Variants in PSMG2 observed in about 807,000 individuals in gnomAD.
The protein encoded by PSMG2 is proteasome assembly chaperone 2.
A neutral mutation model predicts 31.5 loss-of-function variants in PSMG2; 21 were observed. That is an observed-to-expected ratio of 0.67 (90% CI 0.47 to 0.96). PSMG2 has a LOEUF of 0.96. Ranked by LOEUF, PSMG2 falls within the 40% of genes least tolerant of loss-of-function variation. The pLI is 0.00. For synonymous variants in PSMG2, 120 were observed against 110.4 expected (o/e 1.09, Z -0.54); for missense variants, 318 against 321.2 (o/e 0.99, Z 0.08).
At chr18:12,708,978 C>T (rs923637925) in intron 2 of PSMG2, among the ~76,000 whole-genome samples, 1 of 152,024 alleles carries the variant, frequency 6.6e-6, no homozygotes, top group African/African-American at 2.4e-5. Context: ...TCCCAAAGTG[C>T]TGGGATTACA....
rs144907968 is a variant in PSMG2, at chr18:12,674,778, A to G, written c.-37+16005A>G. The stretch of plus-strand genomic sequence containing the variant: ...CCTATGAGCAATCAAGAGAAAAAGA[A>G]AAAGTGAAATACATTAATATTTTTA... On this transcript the variant is annotated intron_variant, in intron 1 of 6. Transcript: ENST00000585331. The G allele has an allele frequency of 9.0e-5, 134 of 1,489,078 alleles. No homozygotes were observed. In the East Asian group the frequency reaches 3.0e-3, roughly 33 times the overall value. 92.2% of individuals were successfully genotyped at this position (1,489,078 alleles called of 1,614,324 possible).
chr18:12,699,188 G>A (rs2040063248), upstream of PSMG2: 2 of 1,612,474 alleles, frequency 1.2e-6, no homozygotes, highest in East Asian at 4.5e-5. Flanking sequence ...ATACCTCCGT[G>A]TTGGATCAAT....
chr18:12,692,315 CA>C (rs773752553), intron 1 of PSMG2: 122 of 125,074 alleles, frequency 9.8e-4, no homozygotes, highest in Middle Eastern at 4.1e-3. Flanking sequence ...GACTCTATCT[CA>C]AAAAAAAAAA....
chr18:12,715,525 G>T (rs1252690102), intron 3 of PSMG2, among the ~76,000 whole-genome samples: 2 of 152,028 alleles, frequency 1.3e-5, no homozygotes, highest in Non-Finnish European at 2.9e-5. Flanking sequence ...TTCTTTTTGA[G>T]ATGGAGTCTT....
chr18:12,686,463 G>A, intron 1 of PSMG2: 2 of 1,577,390 alleles, frequency 1.3e-6, no homozygotes, highest in South Asian at 2.3e-5. Context: ...AGGGAAAAGG[G>A]GAAAAACATC....
At chr18:12,702,258 T>G (rs2040182660), upstream of PSMG2, among the ~76,000 whole-genome samples, 1 of 152,224 alleles carries the variant, frequency 6.6e-6, no homozygotes, top group African/African-American at 2.4e-5. Context: ...AGACCGCTCG[T>G]TCTATCGCCC....
In PSMG2 at chr18:12,712,697, T is replaced by C; in HGVS notation, c.230-5T>C. Reference sequence around the variant, plus strand: ...TATGATTTCATTTTCTTCTTGTTTTTATAGTGTATTCATTGCCTTCAAGAA... The same window carrying C: ...TATGATTTCATTTTCTTCTTGTTTTCATAGTGTATTCATTGCCTTCAAGAA... On this transcript the variant is annotated splice_region_variant and splice_polypyrimidine_tract_variant and intron_variant, in intron 2 of 6. Transcript: ENST00000317615. The C allele has an allele frequency of 6.3e-7, 1 of 1,588,528 alleles. No individual in the cohort carries two copies. Among genetic ancestry groups the C allele is most frequent in the South Asian group, 1.1e-5 (1 of 88,986 alleles).
intron 1 of PSMG2, chr18:12,673,457 G>T: frequency 1.3e-6 from 2 of 1,588,410 alleles, no homozygotes; most frequent in African/African-American, 1.4e-5. Context: ...ACTGCCAGTC[G>T]CACTTGGTCT....
At chr18:12,719,486 C>G (rs150170072) in intron 4 of PSMG2, among the ~76,000 whole-genome samples, 1 of 151,642 alleles carries the variant, frequency 6.6e-6, no homozygotes, top group African/African-American at 2.4e-5. Context: ...CTCCTGGATT[C>G]AAGCGATTCT....
At chr18:12,700,611 G>A (rs950084103), upstream of PSMG2, among the ~76,000 whole-genome samples, 2 of 151,988 alleles carry the variant, frequency 1.3e-5, no homozygotes, top group African/African-American at 2.4e-5. Flanking sequence ...TTAAAAATAC[G>A]CTTAATCTAA....
At chr18:12,699,483 A>C (rs942977578), upstream of PSMG2, among the ~76,000 whole-genome samples, 2 of 152,214 alleles carry the variant, frequency 1.3e-5, no homozygotes, top group Non-Finnish European at 2.9e-5. Context: ...TTGCTTTTTA[A>C]CTGCTTATCC....
At chr18:12,725,405 T>C in intron 6 of PSMG2, 34 bp from the exon 7 acceptor site, 1 of 1,478,286 alleles carries the variant, frequency 6.8e-7, no homozygotes, top group East Asian at 2.3e-5. Context: ...ATGGTAAAGT[T>C]TAAAGATTAA....
upstream of PSMG2, chr18:12,702,414 C>T: frequency 1.6e-6 from 2 of 1,223,582 alleles, no homozygotes; most frequent in Non-Finnish European, 2.4e-6. Flanking sequence ...CGCTGTCGGC[C>T]CGGGGCCGCC....
intron 2 of PSMG2, 94 bp from the exon 3 acceptor site, chr18:12,712,608 A>G (rs2040341912): frequency 3.4e-6 from 3 of 874,202 alleles, no homozygotes; most frequent in South Asian, 3.2e-5. Context: ...ATTTAAATGC[A>G]AAAGGTATTA....
At chr18:12,705,576 A>AGAGTGTGTGTGTGT (rs1465866538) in intron 1 of PSMG2, among the ~76,000 whole-genome samples, 12 of 129,776 alleles carry the variant, frequency 9.2e-5, no homozygotes, top group African/African-American at 3.0e-4. Flanking sequence ...AGAGAGAGAG[A>AGAGTGTGTGTGTGT]GTGTGTGTGT....
Position 12,724,613 on chromosome 18 carries a change from A to G in PSMG2, c.696A>G (p.Lys232=). ...EYLNEWLQIL[K]PLSDDPTVSA... ...TTAATGAGTGGCTTCAGATACTCAA[A>G]CCACTTGTAAGTTCTATTATAGCTT... The change falls in exon 6 of 7, where the codon AAA becomes AAG. Residue 232 remains lysine (K), a synonymous_variant. Coordinates refer to ENST00000317615, the MANE Select transcript of PSMG2 (RefSeq NM_020232.5). 6.3e-7 allele frequency: 1 copy of G among 1,599,618 alleles called. No homozygotes were observed. The highest frequency in any genetic ancestry group is 8.5e-7 in the Non-Finnish European group (1 of 1,174,616).
chr18:12,688,886 G>C (rs955442650), intron 1 of PSMG2, among the ~76,000 whole-genome samples: 1 of 152,000 alleles, frequency 6.6e-6, no homozygotes, highest in African/African-American at 2.4e-5. Context: ...AGGCCGAGGC[G>C]GGCGGGTCAT....
intron 1 of PSMG2, among the ~76,000 whole-genome samples, chr18:12,690,617 G>A (rs915975124): frequency 6.6e-6 from 1 of 152,082 alleles, no homozygotes; most frequent in East Asian, 1.9e-4. Context: ...CATCACGCCC[G>A]GCTAATTTTT....
At chr18:12,702,256 C>A (rs577959912), upstream of PSMG2, among the ~76,000 whole-genome samples, 2 of 152,374 alleles carry the variant, frequency 1.3e-5, no homozygotes, top group South Asian at 4.1e-4. Context: ...CAAGACCGCT[C>A]GTTCTATCGC....
Sources: gnomAD v4.1 joint callset for allele counts (sites outside exome capture counted in the v4.1 genomes callset) on GRCh38, gnomAD v4.1.1 for gene constraint, MANE v1.5 for transcripts, NCBI Gene and HGNC (gene_info 2026-07-23, HGNC 2026-07-21) for gene names.